The following NBAS variants were observed in gnomAD, a reference collection of about 807,000 sequenced individuals.
NBAS encodes NBAS subunit of NRZ tethering complex.
NBAS carries 219 observed loss-of-function variants against 302.5 expected under a neutral mutation model. That is an observed-to-expected ratio of 0.72 (90% CI 0.65 to 0.81). The LOEUF (loss-of-function observed/expected upper bound fraction) is 0.81. Among genes scored for constraint, NBAS ranks in the 30% least tolerant of loss-of-function variants. NBAS has a pLI of 0.00. For synonymous variants in NBAS, 1,118 were observed against 1,021.6 expected (o/e 1.09, Z -1.80); for missense variants, 2,932 against 2,841.6 (o/e 1.03, Z -0.72).
At chr2:15,434,211 C>CAACAAAACAAGAGAGATA (rs939338103) in intron 21 of NBAS, among the ~76,000 whole-genome samples, 14 of 152,032 alleles carry the variant, frequency 9.2e-5, no homozygotes, top group African/African-American at 3.1e-4. Context: ...TGATTAATGT[C>CAACAAAACAAGAGAGATA]AACAAAACAA....
intron 9 of NBAS, among the ~76,000 whole-genome samples, chr2:15,530,816 AAGGGC>A (rs2148674576): frequency 6.6e-6 from 1 of 152,210 alleles, no homozygotes; most frequent in African/African-American, 2.4e-5. Context: ...ATCTAAAGTG[AAGGGC>A]CAGCACTGTG....
chr2:15,019,265 T>C, the NBAS span, among the ~76,000 whole-genome samples: 1 of 152,208 alleles, frequency 6.6e-6, no homozygotes, highest in East Asian at 1.9e-4. Context: ...TGAATTGAGG[T>C]ATAATGCTGA....
chr2:15,248,551 T>C (rs1668211385), intron 44 of NBAS, among the ~76,000 whole-genome samples: 1 of 151,956 alleles, frequency 6.6e-6, no homozygotes, highest in Non-Finnish European at 1.5e-5. Context: ...TCAACAAAAT[T>C]GATAGACCAC....
chr2:15,541,664 A>G (rs1019789729), intron 6 of NBAS, among the ~76,000 whole-genome samples: 2 of 151,910 alleles, frequency 1.3e-5, no homozygotes, highest in Non-Finnish European at 2.9e-5. Context: ...TGGAACAGCC[A>G]TTTTTGTAAG....
intron 9 of NBAS, among the ~76,000 whole-genome samples, chr2:15,523,708 G>A (rs960667451): frequency 6.6e-6 from 1 of 152,170 alleles, no homozygotes; most frequent in Admixed American, 6.5e-5. Context: ...GAGGTTAGGA[G>A]TTCAAGACCA....
the NBAS span, among the ~76,000 whole-genome samples, chr2:14,909,068 T>C: frequency 2.2e-4 from 34 of 152,196 alleles, no homozygotes; most frequent in South Asian, 4.4e-3. Context: ...CGCGGTGGCT[T>C]ACGCTCGTAA....
chr2:15,276,999 A>C lies in NBAS; in HGVS notation c.5241T>G (p.Ile1747Met). Reference protein sequence around the residue: ...EAFHQHMVKYIYPTIGGFDHE... With the variant: ...EAFHQHMVKYMYPTIGGFDHE... ...GATCAAAGCCACCAATAGTAGGGTA[A>C]ATATACTTGACCATGTGCTGGTGAA... Residue 1747 changes from isoleucine to methionine, a missense_variant, in exon 43 of 52, where the codon ATT (isoleucine) becomes ATG (methionine). Transcript: ENST00000281513. 1 of 1,614,042 alleles carries C rather than the reference A, an allele frequency of 6.2e-7. No homozygotes were observed. The highest frequency in any genetic ancestry group is 8.5e-7 in the Non-Finnish European group (1 of 1,179,960).
the NBAS span, among the ~76,000 whole-genome samples, chr2:14,972,775 G>C: frequency 1.4e-4 from 21 of 152,302 alleles, no homozygotes; most frequent in South Asian, 3.1e-3. Flanking sequence ...GGATGGCAGA[G>C]TAGGACTATG....
the NBAS span, among the ~76,000 whole-genome samples, chr2:15,081,922 T>C: frequency 6.6e-6 from 1 of 152,222 alleles, no homozygotes; most frequent in Non-Finnish European, 1.5e-5. Flanking sequence ...ATCACAACTT[T>C]TCCACTCACT....
At chr2:15,121,134 A>G in the NBAS span, among the ~76,000 whole-genome samples, 1 of 152,174 alleles carries the variant, frequency 6.6e-6, no homozygotes, top group East Asian at 1.9e-4. Flanking sequence ...CCATATGTCT[A>G]CCAATATGAG....
At chr2:15,238,875 C>T (rs1667730885) in intron 44 of NBAS, among the ~76,000 whole-genome samples, 189 bp from the exon 45 acceptor site, 1 of 152,104 alleles carries the variant, frequency 6.6e-6, no homozygotes, top group Non-Finnish European at 1.5e-5. Flanking sequence ...CATCATTAAA[C>T]TAGTAATTAA....
rs116250745 is a variant in NBAS, at chr2:15,210,828, G to A, written c.6432+7945C>T. ...AGATCCTGAGATCTGCAACAACACA[G>A]ATGGAACTGGAGGTCATAATGTTAA... On this transcript the variant is annotated intron_variant, in intron 48 of 51. Transcript: ENST00000281513. Among the ~76,000 whole-genome samples the A allele has an allele frequency of 9.9e-3, 1,501 of 152,316 alleles. 9 individuals are homozygous for A. The highest frequency in any genetic ancestry group is 0.03 in the South Asian group (146 of 4,822).
intron 50 of NBAS, 59 bp downstream of exon 50, chr2:15,186,683 T>C (rs1413417960): frequency 5.0e-6 from 8 of 1,610,346 alleles, no homozygotes; most frequent in Non-Finnish European, 5.9e-6. Flanking sequence ...TTGCTTACAA[T>C]AAAGAGTTCT....
At chr2:14,863,257 G>C in the NBAS span, among the ~76,000 whole-genome samples, 6 of 152,282 alleles carry the variant, frequency 3.9e-5, no homozygotes, top group Non-Finnish European at 7.3e-5. Flanking sequence ...ACCTAAACAG[G>C]CTTTGTATAA....
chr2:15,501,562 T>C (rs1661554201), intron 11 of NBAS, among the ~76,000 whole-genome samples: 1 of 150,462 alleles, frequency 6.6e-6, no homozygotes. Flanking sequence ...GTTTCATAAG[T>C]AAATTTTTAA....
the NBAS span, among the ~76,000 whole-genome samples, chr2:15,133,142 G>A: frequency 1.3e-5 from 2 of 152,208 alleles, no homozygotes; most frequent in Admixed American, 1.3e-4. Flanking sequence ...GTATGCACCA[G>A]TTCTTGTGCT....
At chr2:14,809,886 A>G in the NBAS span, among the ~76,000 whole-genome samples, 1 of 152,210 alleles carries the variant, frequency 6.6e-6, no homozygotes, top group African/African-American at 2.4e-5. Context: ...TACCTATTGC[A>G]TCGGCGTGAC....
chr2:15,175,865 A>G (rs181608999), intron 51 of NBAS, among the ~76,000 whole-genome samples: 310 of 152,358 alleles, frequency 2.0e-3, no homozygotes, highest in Non-Finnish European at 3.7e-3. Flanking sequence ...AGCTGTCAGT[A>G]TCTTATAATG....
the NBAS span, among the ~76,000 whole-genome samples, chr2:14,849,623 A>C: frequency 6.9e-6 from 1 of 144,072 alleles, no homozygotes; most frequent in Admixed American, 6.7e-5. Flanking sequence ...CAAGACACAT[A>C]ATTGTCAGAT....
Sources: gnomAD v4.1 joint callset for allele counts (sites outside exome capture counted in the v4.1 genomes callset) on GRCh38, gnomAD v4.1.1 for gene constraint, MANE v1.5 for transcripts, NCBI Gene and HGNC (gene_info 2026-07-23, HGNC 2026-07-21) for gene names.